GALP: variants seen among roughly 807,000 people sequenced by gnomAD.
GALP encodes the protein galanin like peptide.
A neutral mutation model predicts 15.2 loss-of-function variants in GALP; 12 were observed. The observed-to-expected ratio is 0.79, with a 90% CI of 0.51 to 1.28. GALP has a LOEUF of 1.28. Ranked by LOEUF, GALP falls within the 50% of genes most tolerant of loss-of-function variation. GALP has a pLI of 0.00. For missense variants in GALP, 161 were observed against 145.6 expected, an observed-to-expected ratio of 1.11 and a Z score of -0.55; for synonymous variants, 58 against 55.1, an observed-to-expected ratio of 1.05 and a Z score of -0.23.
chr19:56,180,889 C>CTCTTTCTT (rs1215077294), intron 3 of GALP, among the ~76,000 whole-genome samples: 36 of 101,036 alleles, frequency 3.6e-4, no homozygotes, highest in African/African-American at 1.1e-3. Context: ...CGCTCTCTCA[C>CTCTTTCTT]TCTTTCTTTC....
In GALP at chr19:56,180,229, G is replaced by A. The variant is rs532872734; in HGVS notation, c.88-357G>A. On this transcript the variant is annotated intron_variant, in intron 2 of 5. Coordinates refer to ENST00000357330, the MANE Select transcript of GALP (RefSeq NM_033106.4). ...CCCAGGCTTAACATATCTTTAAAGT[G>A]TGCAACACCGTATTGCTGGCTGTGG... is the stretch of plus-strand genomic sequence containing the variant. Among the ~76,000 whole-genome samples the A allele has an allele frequency of 4.9e-4, 74 of 152,300 alleles. 1 individual carries two copies. Among genetic ancestry groups the A allele is most frequent in the Non-Finnish European group, 2.2e-4 (15 of 68,022 alleles).
intron 2 of GALP, among the ~76,000 whole-genome samples, chr19:56,180,249 C>G (rs1345673240): frequency 6.6e-6 from 1 of 152,202 alleles, no homozygotes; most frequent in Non-Finnish European, 1.5e-5. Flanking sequence ...GTATTGCTGG[C>G]TGTGGGCACG....
At chr19:56,182,036 G>A (rs563679478) in intron 3 of GALP, 136 bp from the exon 4 acceptor site, 34 of 682,478 alleles carry the variant, frequency 5.0e-5, no homozygotes, top group Non-Finnish European at 8.8e-5. Flanking sequence ...GGTAGGGACG[G>A]TCAACACGCA....
At chr19:56,181,421 T>TTTTTTGTTG (rs2032565517) in intron 3 of GALP, among the ~76,000 whole-genome samples, 1 of 144,314 alleles carries the variant, frequency 6.9e-6, no homozygotes, top group African/African-American at 2.7e-5. Context: ...TTTTTTTTTT[T>TTTTTTGTTG]GAGATGGAGT....
At chr19:56,180,177 T>C (rs1304951567) in intron 2 of GALP, among the ~76,000 whole-genome samples, 1 of 152,342 alleles carries the variant, frequency 6.6e-6, no homozygotes, top group East Asian at 1.9e-4. Flanking sequence ...CCTCCCCAAA[T>C]GCTGGGATTA....
rs200384723 is a variant in GALP, at chr19:56,183,244, G to A, written c.295+32G>A. ...CCAGGAAACACAGAAGAGAGACACC[G>A]ACAGGAGAGGGGGAACAAGGAAGTG... is the stretch of plus-strand genomic sequence containing the variant. On this transcript the variant is annotated intron_variant, in intron 5 of 5. Coordinates refer to ENST00000357330, the MANE Select transcript of GALP (RefSeq NM_033106.4). The A allele has an allele frequency of 3.0e-5, 45 of 1,524,694 alleles. 1 individual carries two copies. The East Asian group carries it at 4.9e-4, about 17-fold the overall frequency. The allele number at this position is 1,524,694 out of a possible 1,614,324, so 94.4% of individuals were successfully genotyped here. A position where few individuals can be genotyped will look rare whatever the true frequency, so the allele number is the denominator to read the frequency against.
intron 2 of GALP, 118 bp downstream of exon 2, chr19:56,177,313 C>A (rs1221273254): frequency 6.2e-6 from 5 of 802,784 alleles, no homozygotes; most frequent in Non-Finnish European, 1.0e-5. Flanking sequence ...AGCTCAAATC[C>A]TGAAAATATG....
chr19:56,180,585 G>A lies in GALP; in HGVS notation c.88-1G>A. 6.2e-7 allele frequency: 1 copy of A among 1,613,812 alleles called. No individual in the cohort carries two copies. The highest frequency in any genetic ancestry group is 1.1e-5 in the South Asian group (1 of 91,058). On this transcript the variant is annotated splice_acceptor_variant, in intron 2 of 5. Transcript: ENST00000357330. LOFTEE classifies it high-confidence loss of function. Reference sequence around the variant, plus strand: ...GTCTTGATTTCTGCATCTCTATCCAGGGACGAGGAGGCTGGACCCTCAATA... The same window carrying A: ...GTCTTGATTTCTGCATCTCTATCCAAGGACGAGGAGGCTGGACCCTCAATA...
At chr19:56,179,992 G>A (rs534384687) in intron 2 of GALP, among the ~76,000 whole-genome samples, 148 of 152,138 alleles carry the variant, frequency 9.7e-4, no homozygotes, top group Non-Finnish European at 1.5e-3. Flanking sequence ...GGCCAGGCTG[G>A]TCTTGAACTC....
intron 3 of GALP, 85 bp from the exon 4 acceptor site, chr19:56,182,087 G>T: frequency 1.0e-6 from 1 of 955,268 alleles, no homozygotes; most frequent in South Asian, 1.3e-5. Flanking sequence ...CGTCCGGTGA[G>T]CCATGCTGTT....
At chr19:56,179,500 T>C (rs763014245) in intron 2 of GALP, among the ~76,000 whole-genome samples, 17 of 151,352 alleles carry the variant, frequency 1.1e-4, no homozygotes, top group South Asian at 6.3e-4. Context: ...TTTGTATTTT[T>C]AGTAGAGATG....
intron 3 of GALP, among the ~76,000 whole-genome samples, chr19:56,180,911 C>CTTTT (rs751903988): frequency 0.012 from 1,099 of 90,504 alleles, 48 homozygotes; most frequent in African/African-American, 0.037. Context: ...TTCTTTCTTT[C>CTTTT]TTTCTTTTTT....
intron 2 of GALP, among the ~76,000 whole-genome samples, chr19:56,177,586 C>T (rs2032488155): frequency 6.6e-6 from 1 of 151,958 alleles, no homozygotes; most frequent in Non-Finnish European, 1.5e-5. Flanking sequence ...GACCTCCTGG[C>T]TTCAAGTGAT....
At chr19:56,177,961 T>A (rs1326529097) in intron 2 of GALP, among the ~76,000 whole-genome samples, 1 of 152,128 alleles carries the variant, frequency 6.6e-6, no homozygotes, top group Non-Finnish European at 1.5e-5. Flanking sequence ...TGGTACAGCA[T>A]GGTGGCTGTT....
At chr19:56,182,084 T>G in intron 3 of GALP, 88 bp from the exon 4 acceptor site, 9 of 924,132 alleles carry the variant, frequency 9.7e-6, no homozygotes, top group African/African-American at 1.6e-5. Context: ...CTGCGTCCGG[T>G]GAGCCATGCT....
At chr19:56,183,815 C>G (rs2032609009) in intron 5 of GALP, among the ~76,000 whole-genome samples, 1 of 148,994 alleles carries the variant, frequency 6.7e-6, no homozygotes, top group Non-Finnish European at 1.5e-5. Flanking sequence ...CCAGGCTGGT[C>G]CTGAACTCCT....
At chr19:56,179,314 T>TTA (rs927438633) in intron 2 of GALP, among the ~76,000 whole-genome samples, 4 of 148,776 alleles carry the variant, frequency 2.7e-5, no homozygotes, top group African/African-American at 9.8e-5. Flanking sequence ...CTTTCTTTCT[T>TTA]TTTTTTTTTT....
chr19:56,177,040 G>T, intron 1 of GALP, 30 bp from the exon 2 acceptor site: 1 of 1,254,472 alleles, frequency 8.0e-7, no homozygotes. Context: ...CCCCCGCTTC[G>T]GAAAATGACT....
rs1410559959 is a variant in GALP, at chr19:56,177,438, C to G, written c.87+243C>G. ...AGGCAGGAGAATCGCTTGAACCTGGCAGGCGGAGGTTGCAGCGAGCCGAGA... is the reference window on the plus strand; with the variant it reads ...AGGCAGGAGAATCGCTTGAACCTGGGAGGCGGAGGTTGCAGCGAGCCGAGA... On this transcript the variant is annotated intron_variant, in intron 2 of 5. Coordinates refer to ENST00000357330, the MANE Select transcript of GALP (RefSeq NM_033106.4). 2.0e-5 allele frequency among the ~76,000 whole-genome samples: 3 copies of G among 148,530 alleles called. No individual in the cohort carries two copies. In the Admixed American group the frequency reaches 2.1e-4, roughly 10 times the overall value.
Sources: gnomAD v4.1 joint callset for allele counts (sites outside exome capture counted in the v4.1 genomes callset) on GRCh38, gnomAD v4.1.1 for gene constraint, MANE v1.5 for transcripts, NCBI Gene and HGNC (gene_info 2026-07-23, HGNC 2026-07-21) for gene names.